The following KCNAB1 variants were observed in gnomAD, a reference collection of about 807,000 sequenced individuals.
KCNAB1 encodes potassium voltage-gated channel subfamily A regulatory beta subunit 1.
In KCNAB1, 35 loss-of-function variants were observed where a neutral mutation model predicts 64.6. That is an observed-to-expected ratio of 0.54 (90% CI 0.41 to 0.72). KCNAB1 has a LOEUF of 0.72. KCNAB1 is among the 30% of genes least tolerant of loss of function. The probability of loss-of-function intolerance (pLI) is 0.00; values close to 1 mark genes in which losing one functional copy is unlikely to be tolerated. For synonymous variants in KCNAB1, 177 were observed against 183.8 expected (o/e 0.96, Z 0.30); for missense variants, 401 against 512.9 (o/e 0.78, Z 2.11).
intron 1 of KCNAB1, among the ~76,000 whole-genome samples, chr3:156,333,466 A>G (rs951766911): frequency 2.0e-5 from 3 of 152,056 alleles, no homozygotes; most frequent in African/African-American, 4.8e-5. Flanking sequence ...ATCAGTATGT[A>G]TTGCTTCATT....
intron 1 of KCNAB1, among the ~76,000 whole-genome samples, chr3:156,127,218 C>A (rs2108259768): frequency 6.6e-6 from 1 of 152,256 alleles, no homozygotes; most frequent in South Asian, 2.1e-4. Flanking sequence ...TGGAAGTGAG[C>A]TACAATGGAA....
At chr3:156,179,643 C>T (rs1712669933) in intron 1 of KCNAB1, among the ~76,000 whole-genome samples, 1 of 152,106 alleles carries the variant, frequency 6.6e-6, no homozygotes, top group Non-Finnish European at 1.5e-5. Flanking sequence ...AAAGTTCTGG[C>T]TGCATGCAAT....
intron 1 of KCNAB1, among the ~76,000 whole-genome samples, chr3:156,218,801 A>AAAAAAAAAAAAAAAAAAAAT (rs371264941): frequency 8.9e-6 from 1 of 112,246 alleles, no homozygotes; most frequent in Non-Finnish European, 1.7e-5. Context: ...AAAAAAAAAA[A>AAAAAAAAAAAAAAAAAAAAT]AATAATAATA....
Position 156,354,142 on chromosome 3 carries a change from A to ATATATATATG in KCNAB1, c.276-67473_276-67472insATATATATGT, listed in dbSNP as rs1491445238. The stretch of plus-strand genomic sequence containing the variant: ...TGTGTATATATATATATATATATAT[A>ATATATATATG]TGTGTATATATATATATGTATATAT... On this transcript the variant is annotated intron_variant, in intron 1 of 13. Transcript: ENST00000490337. Among the ~76,000 whole-genome samples, 759 of 123,114 alleles carry ATATATATATG rather than the reference A, an allele frequency of 6.2e-3. 8 individuals are homozygous for ATATATATATG. Among genetic ancestry groups the ATATATATATG allele is most frequent in the African/African-American group, 0.02 (716 of 35,182 alleles). 80.8% of individuals were successfully genotyped at this position (123,114 alleles called of 152,430 possible). A position where few individuals can be genotyped will look rare whatever the true frequency, so the allele number is the denominator to read the frequency against.
intron 2 of KCNAB1, among the ~76,000 whole-genome samples, chr3:156,440,752 C>T: frequency 6.6e-6 from 1 of 152,162 alleles, no homozygotes; most frequent in African/African-American, 2.4e-5. Flanking sequence ...AAGGACATTA[C>T]AGATTTTTTT....
At chr3:156,248,219 A>T (rs754875807) in intron 1 of KCNAB1, among the ~76,000 whole-genome samples, 3 of 152,194 alleles carry the variant, frequency 2.0e-5, no homozygotes, top group Non-Finnish European at 4.4e-5. Context: ...AGCTTTTGTG[A>T]TGTTTACTAA....
rs78616893 is a variant in KCNAB1 at position 156,232,388 on chromosome 3, G to C, written c.275+111502G>C. On this transcript the variant is annotated intron_variant, in intron 1 of 13. Coordinates refer to ENST00000490337, the MANE Select transcript of KCNAB1 (RefSeq NM_172160.3). Reference sequence around the variant, plus strand: ...AGATACTTACTTACACTTCTGTTTTGGATTTCAAAGTCCAGGGAGCTAGAC... The same window carrying C: ...AGATACTTACTTACACTTCTGTTTTCGATTTCAAAGTCCAGGGAGCTAGAC... Among the ~76,000 whole-genome samples the C allele has an allele frequency of 2.2e-4, 34 of 152,316 alleles. No homozygotes were observed. In the East Asian group the frequency reaches 6.5e-3, roughly 29 times the overall value.
chr3:156,224,609 T>C (rs1716032807), intron 1 of KCNAB1, among the ~76,000 whole-genome samples: 1 of 152,050 alleles, frequency 6.6e-6, no homozygotes, highest in African/African-American at 2.4e-5. Flanking sequence ...CAAACAACAA[T>C]GTAAATACAA....
Position 156,126,793 on chromosome 3 carries a change from T to TG in KCNAB1, c.275+5909dup, listed in dbSNP as rs547832272. Among the ~76,000 whole-genome samples the TG allele has an allele frequency of 3.6e-3, 551 of 152,316 alleles. 7 individuals carry two copies. Among genetic ancestry groups the TG allele is most frequent in the African/African-American group, 0.011 (467 of 41,566 alleles). On this transcript the variant is annotated intron_variant, in intron 1 of 13. Coordinates refer to ENST00000490337, the MANE Select transcript of KCNAB1 (RefSeq NM_172160.3). The stretch of plus-strand genomic sequence containing the variant: ...CTCAGCTATAAAAAGTGGGTAATGA[T>TG]GGCAGTAATACCTTAGGGTTGTTAC...
At position 156,136,261 on chromosome 3, in the gene KCNAB1, A is replaced by G. The variant is rs1445068036; in HGVS notation, c.275+15375A>G. ...CCATTTATTCTGTACTAGTTACATC[A>G]AATACAATATTTCTTATAATTTTCA... On this transcript the variant is annotated intron_variant, in intron 1 of 13. Transcript: ENST00000490337. 2.0e-5 allele frequency among the ~76,000 whole-genome samples: 3 copies of G among 152,224 alleles called. No individual in the cohort carries two copies. The East Asian group carries it at 5.8e-4, about 29-fold the overall frequency.
At position 156,392,053 on chromosome 3, in the gene KCNAB1, G is replaced by C. The variant is rs545328176; in HGVS notation, c.276-29563G>C. 2.0e-5 allele frequency among the ~76,000 whole-genome samples: 3 copies of C among 152,278 alleles called. No homozygotes were observed. The East Asian group carries it at 5.8e-4, about 29-fold the overall frequency. ...ATTTCTCATTCGGGCCCCACTCACAGACACCTCCTCAGAGAGGACTTCCAA... is the reference window on the plus strand; with the variant it reads ...ATTTCTCATTCGGGCCCCACTCACACACACCTCCTCAGAGAGGACTTCCAA... On this transcript the variant is annotated intron_variant, in intron 1 of 13. Coordinates refer to ENST00000490337, the MANE Select transcript of KCNAB1 (RefSeq NM_172160.3).
chr3:156,139,285 T>C (rs1034793654), intron 1 of KCNAB1, among the ~76,000 whole-genome samples: 2 of 152,214 alleles, frequency 1.3e-5, no homozygotes, highest in Non-Finnish European at 2.9e-5. Context: ...CAGACAAATA[T>C]TGGCTTTCTC....
intron 1 of KCNAB1, among the ~76,000 whole-genome samples, chr3:156,340,116 G>A (rs891469614): frequency 6.6e-6 from 1 of 152,122 alleles, no homozygotes; most frequent in African/African-American, 2.4e-5. Flanking sequence ...CATTTCTGAG[G>A]GATCCACAGA....
intron 1 of KCNAB1, among the ~76,000 whole-genome samples, chr3:156,162,961 G>T (rs1324199752): frequency 2.6e-5 from 4 of 152,164 alleles, no homozygotes; most frequent in Non-Finnish European, 5.9e-5. Flanking sequence ...AAACTTTGGT[G>T]CTCTGAAGTC....
At chr3:156,274,620 A>G (rs542677052) in intron 1 of KCNAB1, among the ~76,000 whole-genome samples, 2 of 152,352 alleles carry the variant, frequency 1.3e-5, no homozygotes, top group Admixed American at 6.5e-5. Flanking sequence ...GTGTCTTTGA[A>G]TATCAGTCAG....
At chr3:156,143,955 A>G (rs1262537434) in intron 1 of KCNAB1, among the ~76,000 whole-genome samples, 2 of 151,758 alleles carry the variant, frequency 1.3e-5, no homozygotes, top group Non-Finnish European at 2.9e-5. Flanking sequence ...AATCAGTGTC[A>G]CCCAAGATAA....
At chr3:156,218,825 A>T (rs1320836374) in intron 1 of KCNAB1, among the ~76,000 whole-genome samples, 2 of 146,802 alleles carry the variant, frequency 1.4e-5, no homozygotes, top group Non-Finnish European at 3.0e-5. Context: ...TAAAATAAAA[A>T]TAAATAAATA....
chr3:156,326,898 CT>C (rs1274892518), intron 1 of KCNAB1, among the ~76,000 whole-genome samples: 2 of 152,040 alleles, frequency 1.3e-5, no homozygotes, highest in Non-Finnish European at 2.9e-5. Flanking sequence ...TATTTGGGGT[CT>C]TTTTTGTCTT....
At chr3:156,389,921 A>T (rs984190446) in intron 1 of KCNAB1, among the ~76,000 whole-genome samples, 1 of 152,258 alleles carries the variant, frequency 6.6e-6, no homozygotes, top group East Asian at 1.9e-4. Context: ...CTTTCTTGCT[A>T]TAATGGCAAA....
Sources: gnomAD v4.1 joint callset for allele counts (sites outside exome capture counted in the v4.1 genomes callset) on GRCh38, gnomAD v4.1.1 for gene constraint, MANE v1.5 for transcripts, NCBI Gene and HGNC (gene_info 2026-07-23, HGNC 2026-07-21) for gene names.